Variants in UTRN observed in about 807,000 individuals in gnomAD.
The protein encoded by UTRN is utrophin.
A neutral mutation model predicts 463.9 loss-of-function variants in UTRN; 283 were observed. The ratio of observed to expected loss-of-function variants is 0.61; its 90% CI spans 0.55 to 0.67. The LOEUF is 0.67. Ranked by LOEUF, UTRN falls within the 30% of genes least tolerant of loss-of-function variation. UTRN has a pLI of 0.00. For missense variants in UTRN, 3,922 were observed against 4,084.3 expected (o/e 0.96, Z 1.08); for synonymous variants, 1,442 against 1,431.5 (o/e 1.01, Z -0.17).
At chr6:144,469,006 G>A (rs1368655985) in intron 23 of UTRN, among the ~76,000 whole-genome samples, 1 of 152,186 alleles carries the variant, frequency 6.6e-6, no homozygotes. Context: ...GGTGTGCCAC[G>A]AGGTGGAAAC....
intron 51 of UTRN, among the ~76,000 whole-genome samples, chr6:144,578,347 A>G (rs1355896956): frequency 3.9e-5 from 6 of 152,052 alleles, no homozygotes; most frequent in East Asian, 1.9e-4. Flanking sequence ...CACGTGTTCC[A>G]TTGTCTTTTG....
Position 144,462,869 on chromosome 6 carries a change from A to G in UTRN, c.3066+3A>G, listed in dbSNP as rs766890086. 44 of 1,599,732 alleles carry G rather than the reference A, an allele frequency of 2.8e-5. No homozygotes were observed. Among genetic ancestry groups the G allele is most frequent in the Non-Finnish European group, 3.7e-5 (44 of 1,176,720 alleles). ...CTCTCACACTCAGAGCTTTTGAGGT[A>G]AATCCAGAGGCCACTGGGAGTTTAA... On this transcript the variant is annotated splice_donor_region_variant and intron_variant, in intron 23 of 74. Transcript: ENST00000367545.
chr6:144,821,676 T>A (rs1176366757), intron 66 of UTRN, among the ~76,000 whole-genome samples: 1 of 152,072 alleles, frequency 6.6e-6, no homozygotes, highest in African/African-American at 2.4e-5. Flanking sequence ...TAAGAATTTA[T>A]GGCCTGAAGT....
chr6:144,388,165 C>G (rs1210810943), intron 2 of UTRN, among the ~76,000 whole-genome samples: 5 of 152,194 alleles, frequency 3.3e-5, no homozygotes, highest in Non-Finnish European at 4.4e-5. Flanking sequence ...CATTTTGGCT[C>G]TTGGCTTTCT....
At chr6:144,580,281 G>C (rs139116400) in intron 51 of UTRN, among the ~76,000 whole-genome samples, 55 of 152,030 alleles carry the variant, frequency 3.6e-4, no homozygotes, top group African/African-American at 1.2e-3. Context: ...ATGGAATAAG[G>C]AGCTCCGTGT....
intron 66 of UTRN, among the ~76,000 whole-genome samples, chr6:144,825,426 C>T (rs952914966): frequency 6.6e-6 from 1 of 152,132 alleles, no homozygotes; most frequent in African/African-American, 2.4e-5. Flanking sequence ...TTTTTTTCTA[C>T]AAATCAAAAT....
At chr6:144,381,775 A>G (rs1015032790) in intron 2 of UTRN, among the ~76,000 whole-genome samples, 7 of 152,244 alleles carry the variant, frequency 4.6e-5, no homozygotes, top group Admixed American at 4.6e-4. Flanking sequence ...CCCCAGCCAC[A>G]TGGAACTGTA....
At chr6:144,498,660 C>CTT (rs570731157) in intron 33 of UTRN, among the ~76,000 whole-genome samples, 321 of 145,828 alleles carry the variant, frequency 2.2e-3, no homozygotes, top group Non-Finnish European at 3.1e-3. Flanking sequence ...ACATAACAAT[C>CTT]TTTTTTTTTT....
intron 56 of UTRN, 142 bp from the exon 57 acceptor site, chr6:144,754,578 A>C: frequency 2.7e-6 from 1 of 372,616 alleles, no homozygotes. Flanking sequence ...CCAGAGACAG[A>C]GAAGGGGTCC....
At position 144,428,849 on chromosome 6, in the gene UTRN, A is replaced by G; in HGVS notation, c.650A>G (p.Lys217Arg). Residue 217 changes from lysine to arginine, a missense_variant, in exon 8 of 75, where the codon AAG becomes AGG. By Grantham distance (26) the Lys-to-Arg change is conservative. This residue lies in a region of UTRN where 264 missense variants were observed against 327.9 expected (regional missense o/e 0.81). Coordinates refer to ENST00000367545, the MANE Select transcript of UTRN (RefSeq NM_007124.3). ...GAGAGACTTGAACATGCCTTCAGCA[A>G]GGCTCAAACTTATTTGGGAATTGAA... is the stretch of plus-strand genomic sequence containing the variant. The part of the protein sequence containing the change: ...PIERLEHAFS[K>R]AQTYLGIEKL... 6.2e-7 allele frequency: 1 copy of G among 1,612,032 alleles called. No homozygotes were observed. Among genetic ancestry groups the G allele is most frequent in the Non-Finnish European group, 8.5e-7 (1 of 1,179,428 alleles).
intron 2 of UTRN, among the ~76,000 whole-genome samples, chr6:144,309,797 C>T (rs966246940): frequency 1.3e-5 from 2 of 152,176 alleles, no homozygotes; most frequent in Admixed American, 6.5e-5. Flanking sequence ...TTGTAATAAA[C>T]GCGAAAGACC....
At chr6:144,302,702 C>T (rs959069322) in intron 2 of UTRN, among the ~76,000 whole-genome samples, 1 of 152,174 alleles carries the variant, frequency 6.6e-6, no homozygotes, top group Non-Finnish European at 1.5e-5. Flanking sequence ...AACATCCCCA[C>T]ACAAACCAGG....
chr6:144,461,442 A>G (rs547170965), intron 22 of UTRN, 100 bp downstream of exon 22: 1 of 1,292,038 alleles, frequency 7.7e-7, no homozygotes, highest in East Asian at 2.6e-5. Flanking sequence ...AAAGTTGGTC[A>G]GTTTTGTTCA....
At chr6:144,326,530 T>G (rs1775984400) in intron 2 of UTRN, among the ~76,000 whole-genome samples, 1 of 152,192 alleles carries the variant, frequency 6.6e-6, no homozygotes, top group Non-Finnish European at 1.5e-5. Flanking sequence ...TTGCTGATGA[T>G]GATGGGAGTG....
At chr6:144,473,048 G>A (rs1057375230) in intron 23 of UTRN, among the ~76,000 whole-genome samples, 1 of 152,144 alleles carries the variant, frequency 6.6e-6, no homozygotes, top group Non-Finnish European at 1.5e-5. Flanking sequence ...TTACAAGCGT[G>A]AGCCACCGTA....
intron 51 of UTRN, among the ~76,000 whole-genome samples, chr6:144,587,547 C>T (rs1585413322): frequency 6.6e-6 from 1 of 152,152 alleles, no homozygotes; most frequent in Non-Finnish European, 1.5e-5. Flanking sequence ...TCTACATGTA[C>T]AGCTCCCTGT....
chr6:144,335,754 T>G (rs574859471), intron 2 of UTRN, among the ~76,000 whole-genome samples: 1 of 152,312 alleles, frequency 6.6e-6, no homozygotes, highest in South Asian at 2.1e-4. Context: ...GTGACTTGAA[T>G]TCTCTAGTTC....
In UTRN at chr6:144,817,321, G is replaced by A. The variant is rs368604546; in HGVS notation, c.9358-3561G>A. Among the ~76,000 whole-genome samples, 15 of 152,064 alleles carry A rather than the reference G, an allele frequency of 9.9e-5. 1 individual carries two copies. The South Asian group carries it at 2.3e-3, about 23-fold the overall frequency. On this transcript the variant is annotated intron_variant, in intron 65 of 74. Coordinates refer to ENST00000367545, the MANE Select transcript of UTRN (RefSeq NM_007124.3). Reference sequence around the variant, plus strand: ...TTTCTTACAGAAATAAACAGAAACCGAATCTTCCAAGAAATGCATTTAAAA... The same window carrying A: ...TTTCTTACAGAAATAAACAGAAACCAAATCTTCCAAGAAATGCATTTAAAA...
At chr6:144,765,552 T>G (rs1351085882) in intron 58 of UTRN, among the ~76,000 whole-genome samples, 2 of 152,186 alleles carry the variant, frequency 1.3e-5, no homozygotes, top group Non-Finnish European at 2.9e-5. Context: ...TAGCTGGGAC[T>G]ACAGGTACAT....
Sources: gnomAD v4.1 joint callset for allele counts (sites outside exome capture counted in the v4.1 genomes callset) on GRCh38, gnomAD v4.1.1 for gene constraint, gnomAD v4.1.1 regional missense constraint, MANE v1.5 for transcripts, NCBI Gene and HGNC (gene_info 2026-07-23, HGNC 2026-07-21) for gene names.